ZNF365: variants seen among roughly 807,000 people sequenced by gnomAD.
ZNF365 encodes the protein protein ZNF365.
ZNF365 carries 22 observed loss-of-function variants against 35.0 expected under a neutral mutation model. The ratio of observed to expected loss-of-function variants is 0.63; its 90% CI spans 0.45 to 0.90. ZNF365 has a LOEUF of 0.90. Ranked by LOEUF, ZNF365 falls within the 40% of genes least tolerant of loss-of-function variation. ZNF365 has a pLI of 0.00. For synonymous variants in ZNF365, 188 were observed against 196.2 expected (o/e 0.96, Z 0.35); for missense variants, 448 against 500.3 (o/e 0.90, Z 1.00).
At chr10:62,418,242 A>G (rs1840111275) in intron 3 of ZNF365, among the ~76,000 whole-genome samples, 1 of 152,078 alleles carries the variant, frequency 6.6e-6, no homozygotes, top group Non-Finnish European at 1.5e-5. Context: ...AAAAGCACAT[A>G]CATTTTGTCA....
At chr10:62,395,347 C>CTT (rs776080763) in intron 3 of ZNF365, among the ~76,000 whole-genome samples, 2 of 138,290 alleles carry the variant, frequency 1.4e-5, no homozygotes. Flanking sequence ...CTCTGACACT[C>CTT]TTTTTTTTTT....
intron 3 of ZNF365, among the ~76,000 whole-genome samples, chr10:62,418,928 G>A (rs894102741): frequency 2.0e-5 from 3 of 151,898 alleles, no homozygotes; most frequent in South Asian, 2.1e-4. Context: ...CTCTTTCAGT[G>A]CCAGCTCAGA....
chr10:62,421,910 T>G (rs1840174985), intron 3 of ZNF365, among the ~76,000 whole-genome samples: 1 of 152,228 alleles, frequency 6.6e-6, no homozygotes, highest in Admixed American at 6.5e-5. Context: ...TACTCAGCTA[T>G]TGATTTGGAT....
rs913571785 is a variant in ZNF365 at position 62,452,586 on chromosome 10, T to C, written c.925-7155T>C. On this transcript the variant is annotated intron_variant, in intron 3 of 4. Transcript: ENST00000395255. The stretch of plus-strand genomic sequence containing the variant: ...TCCCTGGAGCAACAATTCTATCTGA[T>C]AAAAATGAAAAAACAAAACTCATGT... Among the ~76,000 whole-genome samples the C allele has an allele frequency of 2.6e-5, 4 of 152,160 alleles. No homozygotes were observed. In the South Asian group the frequency reaches 6.2e-4, roughly 24 times the overall value.
intron 3 of ZNF365, among the ~76,000 whole-genome samples, chr10:62,389,907 G>A (rs116394051): frequency 6.6e-6 from 1 of 152,096 alleles, no homozygotes; most frequent in South Asian, 2.1e-4. Flanking sequence ...GGTCTTCTAC[G>A]TAAAATGCTT....
intron 3 of ZNF365, among the ~76,000 whole-genome samples, chr10:62,417,898 A>G (rs1382505190): frequency 6.6e-6 from 1 of 152,036 alleles, no homozygotes; most frequent in Non-Finnish European, 1.5e-5. Flanking sequence ...GTATTTACAA[A>G]AGGAAGCAAT....
At chr10:62,424,211 G>C (rs1315894831) in intron 3 of ZNF365, among the ~76,000 whole-genome samples, 3 of 152,132 alleles carry the variant, frequency 2.0e-5, no homozygotes, top group Admixed American at 2.0e-4. Flanking sequence ...GTTTGATTTT[G>C]ATCCCATTAC....
chr10:62,411,172 G>A (rs1355105603), intron 3 of ZNF365, among the ~76,000 whole-genome samples: 1 of 152,110 alleles, frequency 6.6e-6, no homozygotes, highest in Non-Finnish European at 1.5e-5. Flanking sequence ...GTGGACTCTG[G>A]ATGTTAGACC....
At chr10:62,411,652 C>T (rs976036907) in intron 3 of ZNF365, among the ~76,000 whole-genome samples, 4 of 152,044 alleles carry the variant, frequency 2.6e-5, no homozygotes, top group African/African-American at 9.7e-5. Flanking sequence ...TGTTTTTGTA[C>T]CAGTACCATG....
chr10:62,436,830 G>T (rs2132461172), intron 3 of ZNF365, among the ~76,000 whole-genome samples: 1 of 152,286 alleles, frequency 6.6e-6, no homozygotes, highest in South Asian at 2.1e-4. Flanking sequence ...CTGTAAGATG[G>T]TTATGATAGT....
chr10:62,469,292 G>C (rs892603315), intron 4 of ZNF365, among the ~76,000 whole-genome samples: 7 of 152,084 alleles, frequency 4.6e-5, no homozygotes. Flanking sequence ...TCAAACAAGG[G>C]CAATTTTGTG....
chr10:62,447,447 A>G (rs1002332753), intron 3 of ZNF365, among the ~76,000 whole-genome samples: 2 of 152,206 alleles, frequency 1.3e-5, no homozygotes, highest in Non-Finnish European at 2.9e-5. Flanking sequence ...CTTCACTCTG[A>G]AATACTGGTC....
At chr10:62,476,546 G>A (rs1429774443) in intron 4 of ZNF365, among the ~76,000 whole-genome samples, 1 of 152,142 alleles carries the variant, frequency 6.6e-6, no homozygotes, top group African/African-American at 2.4e-5. Context: ...CATATTTAAG[G>A]TTACAGCTAG....
At chr10:62,423,199 A>G (rs1840200311) in intron 3 of ZNF365, among the ~76,000 whole-genome samples, 1 of 135,172 alleles carries the variant, frequency 7.4e-6, no homozygotes, top group Admixed American at 7.8e-5. Flanking sequence ...TCTATACAAC[A>G]TTTTTAATAG....
At chr10:62,387,913 A>G (rs1352200433) in intron 2 of ZNF365, among the ~76,000 whole-genome samples, 1 of 152,180 alleles carries the variant, frequency 6.6e-6, no homozygotes, top group African/African-American at 2.4e-5. Flanking sequence ...TAATAAAACC[A>G]GAAGTCTCAC....
At chr10:62,415,356 A>T (rs993716363) in intron 3 of ZNF365, among the ~76,000 whole-genome samples, 5 of 152,114 alleles carry the variant, frequency 3.3e-5, no homozygotes, top group Admixed American at 2.6e-4. Flanking sequence ...ATTTAAAGTG[A>T]TTAGGGTTTG....
At chr10:62,460,554 C>T (rs945183563) in intron 4 of ZNF365, among the ~76,000 whole-genome samples, 51 of 152,158 alleles carry the variant, frequency 3.4e-4, no homozygotes, top group African/African-American at 9.9e-4. Flanking sequence ...TATTTTTGGG[C>T]CATGGTTGAC....
chr10:62,472,569 A>T (rs991867348), intron 4 of ZNF365, among the ~76,000 whole-genome samples: 4 of 152,178 alleles, frequency 2.6e-5, no homozygotes, highest in Non-Finnish European at 5.9e-5. Flanking sequence ...AAGTGAGGAG[A>T]GGGGCCTGTG....
chr10:62,408,274 T>C (rs1471513820), intron 3 of ZNF365, among the ~76,000 whole-genome samples: 1 of 152,112 alleles, frequency 6.6e-6, no homozygotes, highest in Non-Finnish European at 1.5e-5. Context: ...ACAAGATTCT[T>C]CCCTGTGTAC....
Sources: gnomAD v4.1 joint callset for allele counts (sites outside exome capture counted in the v4.1 genomes callset) on GRCh38, gnomAD v4.1.1 for gene constraint, MANE v1.5 for transcripts, NCBI Gene and HGNC (gene_info 2026-07-23, HGNC 2026-07-21) for gene names.